SLC14A2: variants seen among roughly 807,000 people sequenced by gnomAD.
The protein encoded by SLC14A2 is solute carrier family 14 member 2, also known as urea transporter 2.
A neutral mutation model predicts 104.6 loss-of-function variants in SLC14A2; 91 were observed. The ratio of observed to expected loss-of-function variants is 0.87; its 90% CI spans 0.73 to 1.04. The LOEUF (loss-of-function observed/expected upper bound fraction) is 1.04. SLC14A2 is among the 50% of genes least tolerant of loss of function. SLC14A2 has a pLI of 0.00. For synonymous variants in SLC14A2, 476 were observed against 466.4 expected (o/e 1.02, Z -0.27); for missense variants, 1,189 against 1,156.0 (o/e 1.03, Z -0.41).
At chr18:45,519,431 AC>A (rs1267718573) in intron 2 of SLC14A2, among the ~76,000 whole-genome samples, 6 of 152,182 alleles carry the variant, frequency 3.9e-5, no homozygotes, top group Non-Finnish European at 1.5e-5. Flanking sequence ...CTGCCCATTC[AC>A]AGAGTCTCCA....
At chr18:45,347,082 G>T (rs1176649493) in intron 1 of SLC14A2, among the ~76,000 whole-genome samples, 1 of 152,068 alleles carries the variant, frequency 6.6e-6, no homozygotes. Context: ...GTGGCCCTGC[G>T]TGGTGGCTCA....
At chr18:45,643,014 G>A in intron 8 of SLC14A2, 118 bp from the exon 9 acceptor site, 1 of 831,192 alleles carries the variant, frequency 1.2e-6, no homozygotes, top group South Asian at 1.5e-5. Flanking sequence ...CAGAATCTGA[G>A]GCTGCAGGAG....
At chr18:45,376,602 C>G (rs544528562) in intron 1 of SLC14A2, among the ~76,000 whole-genome samples, 1 of 152,172 alleles carries the variant, frequency 6.6e-6, no homozygotes, top group East Asian at 1.9e-4. Context: ...GTGGTTCTAA[C>G]TGTTGATGCG....
intron 2 of SLC14A2, among the ~76,000 whole-genome samples, chr18:45,518,036 T>TAATAAC (rs199753915): frequency 0.025 from 3,802 of 152,250 alleles, 171 homozygotes; most frequent in African/African-American, 0.086. Context: ...ATAATAATAA[T>TAATAAC]AACTAATAAT....
At chr18:45,296,362 G>T (rs576632172) in intron 1 of SLC14A2, among the ~76,000 whole-genome samples, 2 of 152,312 alleles carry the variant, frequency 1.3e-5, no homozygotes, top group South Asian at 4.1e-4. Context: ...GCTAGTCAGA[G>T]ACATCAGCTT....
At chr18:45,270,334 G>T (rs945606980) in intron 1 of SLC14A2, among the ~76,000 whole-genome samples, 3 of 152,010 alleles carry the variant, frequency 2.0e-5, no homozygotes, top group Non-Finnish European at 4.4e-5. Flanking sequence ...ATATTCTCCT[G>T]GGAAAACTCA....
chr18:45,655,980 G>A (rs909934522), intron 10 of SLC14A2, among the ~76,000 whole-genome samples: 1 of 152,222 alleles, frequency 6.6e-6, no homozygotes, highest in Non-Finnish European at 1.5e-5. Flanking sequence ...CCTCAGGTAA[G>A]CCACTTATCT....
chr18:45,581,427 A>G (rs2044490945), intron 2 of SLC14A2, among the ~76,000 whole-genome samples: 1 of 152,168 alleles, frequency 6.6e-6, no homozygotes, highest in East Asian at 1.9e-4. Flanking sequence ...TGGGTGAGAG[A>G]GTTGAGAAGT....
intron 1 of SLC14A2, among the ~76,000 whole-genome samples, chr18:45,271,427 G>A (rs576303815): frequency 6.6e-6 from 1 of 152,248 alleles, no homozygotes; most frequent in African/African-American, 2.4e-5. Flanking sequence ...ATGATTAACT[G>A]TAATTCATGA....
At chr18:45,552,579 A>T (rs2044071463) in intron 2 of SLC14A2, among the ~76,000 whole-genome samples, 1 of 152,202 alleles carries the variant, frequency 6.6e-6, no homozygotes, top group African/African-American at 2.4e-5. Context: ...ACAAACAAAA[A>T]CAAATAACCA....
the SLC14A2 span, among the ~76,000 whole-genome samples, chr18:45,176,320 C>T: frequency 6.6e-6 from 1 of 152,182 alleles, no homozygotes; most frequent in African/African-American, 2.4e-5. Flanking sequence ...GCTCAAGTCT[C>T]CTTAGCTAGC....
intron 1 of SLC14A2, among the ~76,000 whole-genome samples, chr18:45,619,226 A>G (rs1366662655): frequency 6.6e-6 from 1 of 152,238 alleles, no homozygotes; most frequent in African/African-American, 2.4e-5. Context: ...CCTGACATGG[A>G]AGCTGAGCCC....
chr18:45,650,673 T>A (rs950155873), intron 10 of SLC14A2, among the ~76,000 whole-genome samples: 7 of 152,230 alleles, frequency 4.6e-5, no homozygotes, highest in African/African-American at 1.7e-4. Context: ...GAGGTGAAGA[T>A]GAGGATGCGG....
chr18:45,682,259 C>A, intron 19 of SLC14A2, 60 bp from the exon 20 acceptor site: 1 of 1,464,366 alleles, frequency 6.8e-7, no homozygotes, highest in Non-Finnish European at 9.6e-7. Flanking sequence ...TTGATAAGGG[C>A]TGATTAAAAT....
intron 1 of SLC14A2, among the ~76,000 whole-genome samples, chr18:45,305,745 C>T (rs1397037463): frequency 2.0e-5 from 3 of 152,046 alleles, no homozygotes; most frequent in African/African-American, 4.8e-5. Flanking sequence ...TATTATTGTT[C>T]GGAAACCATA....
At position 45,599,787 on chromosome 18, in the gene SLC14A2, G is replaced by T. The variant is rs1278215415; in HGVS notation, c.-34-24844G>T. Among the ~76,000 whole-genome samples, 6 of 152,218 alleles carry T rather than the reference G, an allele frequency of 3.9e-5. No individual in the cohort carries two copies. In the East Asian group the frequency reaches 1.2e-3, roughly 29 times the overall value. ...GGACTTACAGTTCCATGTGGCTAGG[G>T]AAGTCTCACAATCATGGCAGAAGAC... On this transcript the variant is annotated intron_variant, in intron 2 of 20. Coordinates refer to the SLC14A2 transcript ENST00000586448.
intron 10 of SLC14A2, among the ~76,000 whole-genome samples, chr18:45,645,032 A>C (rs559978437): frequency 1.3e-5 from 2 of 151,986 alleles, no homozygotes; most frequent in African/African-American, 2.4e-5. Context: ...CCATCCCCCA[A>C]CAGGGCCCAG....
intron 1 of SLC14A2, among the ~76,000 whole-genome samples, chr18:45,271,907 A>G (rs1399811779): frequency 3.9e-5 from 6 of 152,172 alleles, no homozygotes; most frequent in Non-Finnish European, 8.8e-5. Flanking sequence ...TATACTACAG[A>G]GCTATAGTAT....
At position 45,432,210 on chromosome 18, in the gene SLC14A2, C is replaced by T. The variant is rs372677548; in HGVS notation, c.-124-51023C>T. On this transcript the variant is annotated intron_variant, in intron 1 of 20. Coordinates refer to the SLC14A2 transcript ENST00000586448. ...GGAAAGGATAACAACACTCCCAGCA[C>T]GGAACCCTCCCCGTACAGTGTTCTG... 5.8e-4 allele frequency among the ~76,000 whole-genome samples: 89 copies of T among 152,232 alleles called. 1 individual carries two copies. The highest frequency in any genetic ancestry group is 1.3e-3 in the African/African-American group (53 of 41,546).
Sources: gnomAD v4.1 joint callset for allele counts (sites outside exome capture counted in the v4.1 genomes callset) on GRCh38, gnomAD v4.1.1 for gene constraint, MANE v1.5 for transcripts, NCBI Gene and HGNC (gene_info 2026-07-23, HGNC 2026-07-21) for gene names.